CBLB: variants seen among roughly 807,000 people sequenced by gnomAD.
The protein encoded by CBLB is Cbl proto-oncogene B.
In CBLB, 31 loss-of-function variants were observed where a neutral mutation model predicts 104.9. The observed-to-expected ratio is 0.30, with a 90% CI of 0.22 to 0.40. The LOEUF (loss-of-function observed/expected upper bound fraction) is 0.40. CBLB is among the 10% of genes least tolerant of loss of function. The probability of loss-of-function intolerance (pLI) is 1.00; values close to 1 mark genes in which losing one functional copy is unlikely to be tolerated. For synonymous variants in CBLB, 440 were observed against 422.6 expected, an observed-to-expected ratio of 1.04 and a Z score of -0.51; for missense variants, 1,062 against 1,214.6, an observed-to-expected ratio of 0.87 and a Z score of 1.87.
chr3:105,722,271 T>C (rs932207896), intron 9 of CBLB, among the ~76,000 whole-genome samples: 16 of 151,230 alleles, frequency 1.1e-4, no homozygotes, highest in Admixed American at 6.6e-4. Context: ...GGTCCCTCTG[T>C]CTTTAACACA....
chr3:105,792,748 T>A (rs938395248), intron 3 of CBLB, among the ~76,000 whole-genome samples: 3 of 152,176 alleles, frequency 2.0e-5, no homozygotes, highest in African/African-American at 7.2e-5. Context: ...AGTCTAAGTG[T>A]GACTCACCTC....
chr3:105,868,677 C>G, intron 1 of CBLB, 59 bp downstream of exon 1: 1 of 989,852 alleles, frequency 1.0e-6, no homozygotes, highest in South Asian at 4.7e-5. Context: ...CCTGGCTACC[C>G]CGGGCCCCCG....
At chr3:105,759,318 A>G (rs2083758) in intron 4 of CBLB, among the ~76,000 whole-genome samples, 38,577 of 152,050 alleles carry the variant, frequency 0.25, 5,122 homozygotes, top group Non-Finnish European at 0.28. Context: ...AAAAAGCTCC[A>G]TAAGTTTTCA....
chr3:105,754,426 AT>A (rs1200190218), intron 4 of CBLB, among the ~76,000 whole-genome samples: 6 of 151,238 alleles, frequency 4.0e-5, no homozygotes, highest in South Asian at 4.3e-4. Context: ...GAAAATATCA[AT>A]AGCAAATTGT....
At chr3:105,789,464 A>G (rs1347568661) in intron 3 of CBLB, among the ~76,000 whole-genome samples, 2 of 152,218 alleles carry the variant, frequency 1.3e-5, no homozygotes. Context: ...TTTGGAAAGC[A>G]GCATACCCAG....
chr3:105,657,694 C>G lies in CBLB; in HGVS notation c.*1276G>C, dbSNP rs1168296867. On this transcript the variant is annotated 3_prime_UTR_variant, in exon 19 of 19. Coordinates refer to ENST00000394030, the MANE Select transcript of CBLB (RefSeq NM_170662.5). ...ATAACATGGTGTTTAAAGAACCAACCACCATTTTGTAAAATAGGCAAAACT... is the reference window on the plus strand; with the variant it reads ...ATAACATGGTGTTTAAAGAACCAACGACCATTTTGTAAAATAGGCAAAACT... 1 of 204,898 alleles carries G rather than the reference C, an allele frequency of 4.9e-6. No individual in the cohort carries two copies. Among genetic ancestry groups the G allele is most frequent in the African/African-American group, 2.3e-5 (1 of 43,740 alleles). The allele number at this position is 204,898 out of a possible 1,614,324, so 12.7% of individuals were successfully genotyped here. A position where few individuals can be genotyped will look rare whatever the true frequency, so the allele number is the denominator to read the frequency against.
intron 5 of CBLB, among the ~76,000 whole-genome samples, chr3:105,746,659 A>C (rs1389581007): frequency 6.6e-6 from 1 of 152,180 alleles, no homozygotes; most frequent in African/African-American, 2.4e-5. Flanking sequence ...GTGTATTTAA[A>C]ATTGTTACCT....
intron 4 of CBLB, among the ~76,000 whole-genome samples, chr3:105,759,273 G>C (rs1466906357): frequency 1.3e-5 from 2 of 152,188 alleles, no homozygotes; most frequent in Admixed American, 6.5e-5. Context: ...CAGAAGGAAG[G>C]AAGTGTGTGC....
At chr3:105,766,845 C>G (rs1577015536) in intron 4 of CBLB, among the ~76,000 whole-genome samples, 1 of 152,100 alleles carries the variant, frequency 6.6e-6, no homozygotes, top group Admixed American at 6.5e-5. Flanking sequence ...TATGCATGTA[C>G]TAGTAAATTA....
At position 105,681,824 on chromosome 3, in the gene CBLB, G is replaced by A; in HGVS notation, c.2202-6C>T. ...AGTGACCATTATCACAAGACCTAAA[G>A]GACAGTTCAGAGTAAAATTATATAA... is the stretch of plus-strand genomic sequence containing the variant. On this transcript the variant is annotated splice_polypyrimidine_tract_variant and splice_region_variant and intron_variant, in intron 14 of 18. Coordinates refer to ENST00000394030, the MANE Select transcript of CBLB (RefSeq NM_170662.5). 1.9e-6 allele frequency: 3 copies of A among 1,540,110 alleles called. No homozygotes were observed. The highest frequency in any genetic ancestry group is 2.2e-5 in the South Asian group (2 of 89,514).
rs369502384 is a variant in CBLB at position 105,801,641 on chromosome 3, T to C, written c.420-25099A>G. ...GTGGTACAGCAAACAGCTAGGGGAC[T>C]TCCTAAAACAGGCTGGGCCTTGCCC... On this transcript the variant is annotated intron_variant, in intron 3 of 18. Coordinates refer to ENST00000394030, the MANE Select transcript of CBLB (RefSeq NM_170662.5). 1.1e-4 allele frequency among the ~76,000 whole-genome samples: 16 copies of C among 152,372 alleles called. 1 individual carries two copies. The East Asian group carries it at 2.3e-3, about 22-fold the overall frequency.
intron 3 of CBLB, among the ~76,000 whole-genome samples, chr3:105,786,061 C>CGCGG (rs1560233597): frequency 1.3e-5 from 1 of 79,200 alleles, no homozygotes; most frequent in Non-Finnish European, 2.7e-5. Context: ...GTGAGAGGAT[C>CGCGG]GGGGGGGGGA....
intron 3 of CBLB, among the ~76,000 whole-genome samples, chr3:105,810,239 AT>A (rs2153037386): frequency 1.3e-5 from 2 of 152,236 alleles, no homozygotes; most frequent in South Asian, 4.2e-4. Flanking sequence ...CTCTTATTTT[AT>A]TCAATAAAAT....
intron 13 of CBLB, among the ~76,000 whole-genome samples, chr3:105,688,134 C>T (rs895180343): frequency 4.6e-5 from 7 of 152,106 alleles, no homozygotes; most frequent in Non-Finnish European, 7.4e-5. Flanking sequence ...ACTAAACTTA[C>T]GGGAAATTTT....
At chr3:105,749,787 C>G (rs1162420800) in intron 5 of CBLB, 20 of 273,554 alleles carry the variant, frequency 7.3e-5, no homozygotes, top group Non-Finnish European at 2.9e-5. Context: ...GGAGAGGTTC[C>G]ATTATAAAAT....
intron 3 of CBLB, among the ~76,000 whole-genome samples, chr3:105,813,796 A>T (rs1371670618): frequency 6.6e-6 from 1 of 152,116 alleles, no homozygotes; most frequent in African/African-American, 2.4e-5. Flanking sequence ...CTTCAATAAC[A>T]AGAAGCCAAG....
intron 6 of CBLB, among the ~76,000 whole-genome samples, chr3:105,742,230 T>A (rs1477399182): frequency 2.0e-5 from 3 of 152,224 alleles, no homozygotes; most frequent in Admixed American, 1.3e-4. Context: ...TGTATGTATG[T>A]GGCAGACACA....
chr3:105,767,419 C>T (rs181860580), intron 4 of CBLB, among the ~76,000 whole-genome samples: 6 of 152,100 alleles, frequency 3.9e-5, no homozygotes, highest in Non-Finnish European at 7.4e-5. Context: ...ATTGCTTTTG[C>T]AGGAAATCAA....
At chr3:105,796,164 A>G (rs1380516520) in intron 3 of CBLB, among the ~76,000 whole-genome samples, 1 of 152,206 alleles carries the variant, frequency 6.6e-6, no homozygotes, top group Non-Finnish European at 1.5e-5. Context: ...CAACAAAGCT[A>G]GAGACATCAC....
Sources: allele counts gnomAD v4.1 joint callset (sites outside exome capture counted in the v4.1 genomes callset), GRCh38; gene constraint gnomAD v4.1.1; transcripts MANE v1.5; gene names NCBI Gene and HGNC (gene_info 2026-07-23, HGNC 2026-07-21).